The following ANKDD1A variants were observed in gnomAD, a reference collection of about 807,000 sequenced individuals.
The protein encoded by ANKDD1A is ankyrin repeat and death domain containing 1A, also known as ankyrin repeat and death domain-containing protein 1A.
In ANKDD1A, 59 loss-of-function variants were observed where a neutral mutation model predicts 63.5. The ratio of observed to expected loss-of-function variants is 0.93; its 90% CI spans 0.75 to 1.15. The LOEUF is 1.15. ANKDD1A is among the 50% of genes most tolerant of loss of function. The probability of loss-of-function intolerance (pLI) is 0.00; values close to 1 mark genes in which losing one functional copy is unlikely to be tolerated. For missense variants in ANKDD1A, 632 were observed against 656.4 expected (o/e 0.96, Z 0.41); for synonymous variants, 266 against 263.9 (o/e 1.01, Z -0.08).
intron 14 of ANKDD1A, among the ~76,000 whole-genome samples, chr15:64,951,722 C>CTTTCT (rs2085284535): frequency 1.2e-3 from 4 of 3,430 alleles, no homozygotes; most frequent in East Asian, 0.036. Flanking sequence ...TTTTTCTTCC[C>CTTTCT]TTTTCTTCTT....
intron 14 of ANKDD1A, among the ~76,000 whole-genome samples, chr15:64,954,134 CTCTT>C (rs983770674): frequency 1.7e-5 from 2 of 120,904 alleles, no homozygotes; most frequent in African/African-American, 5.4e-5. Flanking sequence ...TTTCTTCTTC[CTCTT>C]TCTTCTTGTT....
chr15:64,940,549 C>T (rs1056185784), intron 9 of ANKDD1A, among the ~76,000 whole-genome samples: 4 of 152,058 alleles, frequency 2.6e-5, no homozygotes, highest in African/African-American at 9.7e-5. Flanking sequence ...TCTCCTGCCT[C>T]AGCCTCCCGA....
chr15:64,928,945 G>T (rs1050431182), intron 6 of ANKDD1A, among the ~76,000 whole-genome samples: 1 of 152,212 alleles, frequency 6.6e-6, no homozygotes, highest in African/African-American at 2.4e-5. Flanking sequence ...GCCCTGCCAC[G>T]GTCTCTACAC....
intron 1 of ANKDD1A, among the ~76,000 whole-genome samples, chr15:64,912,240 T>C (rs2084937016): frequency 6.6e-6 from 1 of 152,216 alleles, no homozygotes; most frequent in South Asian, 2.1e-4. Context: ...GATCCTTGAC[T>C]GCGTGCTGTA....
chr15:64,950,827 C>T (rs2085264610), intron 14 of ANKDD1A: 1 of 1,059,250 alleles, frequency 9.4e-7, no homozygotes, highest in Non-Finnish European at 1.1e-6. Flanking sequence ...CTTTCTTTCC[C>T]CAAAATGTTC....
intron 14 of ANKDD1A, among the ~76,000 whole-genome samples, chr15:64,951,735 C>CTT (rs1595858605): frequency 9.2e-4 from 5 of 5,460 alleles, no homozygotes; most frequent in Admixed American, 3.5e-3. Flanking sequence ...TTCTTCTTTC[C>CTT]TCCTTCTTCC....
intron 9 of ANKDD1A, among the ~76,000 whole-genome samples, chr15:64,938,225 C>G (rs1004694983): frequency 1.3e-5 from 2 of 152,138 alleles, no homozygotes; most frequent in Non-Finnish European, 2.9e-5. Flanking sequence ...AGCAGAACCT[C>G]CCAACACCTT....
chr15:64,942,081 A>G (rs2085188649), intron 9 of ANKDD1A, among the ~76,000 whole-genome samples: 1 of 152,110 alleles, frequency 6.6e-6, no homozygotes, highest in African/African-American at 2.4e-5. Flanking sequence ...ATCCCTATAT[A>G]CTTCCTAGGT....
chr15:64,932,537 G>C (rs190549800), intron 8 of ANKDD1A: 1 of 152,260 alleles, frequency 6.6e-6, no homozygotes, highest in East Asian at 1.9e-4. Flanking sequence ...CCTTTCTTTA[G>C]GTAGTGAGTT....
intron 9 of ANKDD1A, among the ~76,000 whole-genome samples, chr15:64,941,334 T>C (rs919704956): frequency 5.9e-5 from 9 of 152,176 alleles, no homozygotes; most frequent in African/African-American, 1.9e-4. Context: ...TACCATAGAC[T>C]GGGTGACTTA....
At chr15:64,917,965 A>G (rs935525840) in intron 3 of ANKDD1A, among the ~76,000 whole-genome samples, 4 of 152,240 alleles carry the variant, frequency 2.6e-5, no homozygotes, top group African/African-American at 4.8e-5. Context: ...GAGAGCACTG[A>G]TGAGTAACGG....
rs751082676 is a variant in ANKDD1A, at chr15:64,944,764, C to T, written c.1161+17C>T. 2 of 1,611,512 alleles carry T rather than the reference C, an allele frequency of 1.2e-6. No homozygotes were observed. The highest frequency in any genetic ancestry group is 1.7e-6 in the Non-Finnish European group (2 of 1,178,092). On this transcript the variant is annotated intron_variant, in intron 12 of 14. Transcript: ENST00000319580. ...TGGGAGAAGGTACGGAGGCCTCACG[C>T]TTGATCTTTCCTCATTGGAAAGGGA...
At chr15:64,951,891 CTTT>C (rs550565038) in intron 14 of ANKDD1A, among the ~76,000 whole-genome samples, 1 of 62,832 alleles carries the variant, frequency 1.6e-5, no homozygotes, top group Non-Finnish European at 4.5e-5. Context: ...TTCCTTCTTT[CTTT>C]TTCTTTTCTC....
chr15:64,947,674 T>G, intron 13 of ANKDD1A, 81 bp downstream of exon 13: 4 of 1,509,122 alleles, frequency 2.7e-6, no homozygotes, highest in Non-Finnish European at 3.6e-6. Flanking sequence ...TTTTCTGTGC[T>G]TCTGGTGAAA....
intron 6 of ANKDD1A, among the ~76,000 whole-genome samples, chr15:64,929,436 T>A (rs777540791): frequency 2.0e-5 from 3 of 152,200 alleles, no homozygotes; most frequent in Non-Finnish European, 4.4e-5. Flanking sequence ...CCCAAAGTGC[T>A]GGGATTACAG....
rs200306411 is a variant in ANKDD1A at position 64,952,190 on chromosome 15, TTTC to T, written c.1483+2230_1483+2232del. Among the ~76,000 whole-genome samples, 1,501 of 150,700 alleles carry T rather than the reference TTTC, an allele frequency of 1.0e-2. 21 individuals are homozygous for T. The highest frequency in any genetic ancestry group is 0.029 in the African/African-American group (1,204 of 40,908). ...TTTTCTTTCTTCTTTCCTTCTACTT[TTTC>T]TTCTTCTTCTTTCCTCTTTCTTCTT... is the stretch of plus-strand genomic sequence containing the variant. On this transcript the variant is annotated intron_variant, in intron 14 of 14. Transcript: ENST00000319580.
rs371004361 is a variant in ANKDD1A at position 64,915,841 on chromosome 15, A to G, written c.79A>G (p.Asn27Asp). The change falls in exon 2 of 15, where the codon AAT becomes GAT. Residue 27 changes from asparagine to aspartate, a missense_variant. By Grantham distance (23) the Asn-to-Asp change is conservative (BLOSUM62 1). Transcript: ENST00000319580. ...RQLHEAARQN[N>D]VGRMQELIGR... ...GCTCCACGAGGCCGCCCGCCAGAAC[A>G]ATGTCGGCAGGATGCAGGAGCTGAT... 2 of 1,614,024 alleles carry G rather than the reference A, an allele frequency of 1.2e-6. No individual in the cohort carries two copies. Among genetic ancestry groups the G allele is most frequent in the Non-Finnish European group, 1.7e-6 (2 of 1,179,968 alleles).
chr15:64,947,724 C>T lies in ANKDD1A; in HGVS notation c.1351+131C>T. 10 of 1,103,798 alleles carry T rather than the reference C, an allele frequency of 9.1e-6. No individual in the cohort carries two copies. In the South Asian group the frequency reaches 1.5e-4, roughly 17 times the overall value. 68.4% of individuals were successfully genotyped at this position (1,103,798 alleles called of 1,614,324 possible). ...CACAGCCTGGTCCCACACTGTCCAACACACCTGGTGCTCTGTCCCTCCTCC... is the reference window on the plus strand; with the variant it reads ...CACAGCCTGGTCCCACACTGTCCAATACACCTGGTGCTCTGTCCCTCCTCC... On this transcript the variant is annotated intron_variant, in intron 13 of 14. Coordinates refer to ENST00000319580, the MANE Select transcript of ANKDD1A (RefSeq NM_182703.6).
chr15:64,956,267 T>C (rs1429801266), intron 14 of ANKDD1A, among the ~76,000 whole-genome samples: 4 of 150,064 alleles, frequency 2.7e-5, no homozygotes, highest in Non-Finnish European at 5.9e-5. Flanking sequence ...CAGTTTAGCT[T>C]GGCCGGGCGC....
Sources: gnomAD v4.1 joint callset for allele counts (sites outside exome capture counted in the v4.1 genomes callset) on GRCh38, gnomAD v4.1.1 for gene constraint, MANE v1.5 for transcripts, NCBI Gene and HGNC (gene_info 2026-07-23, HGNC 2026-07-21) for gene names.